Variants in TNFRSF11A observed in about 807,000 individuals in gnomAD.
The protein encoded by TNFRSF11A is TNF receptor superfamily member 11a, also known as tumor necrosis factor receptor superfamily member 11A.
A neutral mutation model predicts 55.7 loss-of-function variants in TNFRSF11A; 32 were observed. The ratio of observed to expected loss-of-function variants is 0.57; its 90% confidence interval spans 0.43 to 0.77. The LOEUF (loss-of-function observed/expected upper bound fraction) is 0.77, where lower values mean the gene tolerates loss of function less well. Among genes scored for constraint, TNFRSF11A ranks in the 30% least tolerant of loss-of-function variants. The probability of loss-of-function intolerance (pLI) is 0.00; values close to 1 mark genes in which losing one functional copy is unlikely to be tolerated. For missense variants in TNFRSF11A, 753 were observed against 809.8 expected, an observed-to-expected ratio of 0.93 and a Z score of 0.85; for synonymous variants, 311 against 331.0, an observed-to-expected ratio of 0.94 and a Z score of 0.65.
At position 62,354,449 on chromosome 18, in the gene TNFRSF11A, C is replaced by T; in HGVS notation, c.342C>T (p.Cys114=). 6.2e-7 allele frequency: 1 copy of T among 1,600,308 alleles called. No homozygotes were observed. Among genetic ancestry groups the T allele is most frequent in the Admixed American group, 1.7e-5 (1 of 59,914 alleles). Residue 114 remains cysteine, a synonymous_variant, in exon 4 of 10, where the codon TGC becomes TGT. Transcript: ENST00000586569. Reference sequence around the variant, plus strand: ...GCACGACCCCCCGGCGCTGCGCGTGCACGGCTGGGTACCACTGGAGCCAGG... The same window carrying T: ...GCACGACCCCCCGGCGCTGCGCGTGTACGGCTGGGTACCACTGGAGCCAGG... ...GNSTTPRRCA[C]TAGYHWSQDC...
At chr18:62,372,436 G>A (rs1910616208) in intron 9 of TNFRSF11A, among the ~76,000 whole-genome samples, 1 of 150,988 alleles carries the variant, frequency 6.6e-6, no homozygotes, top group African/African-American at 2.4e-5. Context: ...GAAGCCACTC[G>A]TTAGTCTATC....
chr18:62,361,594 G>A (rs2145330921), intron 6 of TNFRSF11A, 86 bp from the exon 7 acceptor site: 2 of 1,316,904 alleles, frequency 1.5e-6, no homozygotes, highest in Non-Finnish European at 2.2e-6. Flanking sequence ...TTTTGATTCT[G>A]AGGTTTGATT....
chr18:62,358,957 C>A (rs1029622740), intron 5 of TNFRSF11A, among the ~76,000 whole-genome samples: 2 of 152,282 alleles, frequency 1.3e-5, no homozygotes, highest in South Asian at 4.1e-4. Flanking sequence ...AATGAAGAAT[C>A]TCATATATAT....
chr18:62,337,511 G>A (rs1281385413), intron 1 of TNFRSF11A, among the ~76,000 whole-genome samples: 1 of 152,142 alleles, frequency 6.6e-6, no homozygotes, highest in East Asian at 1.9e-4. Context: ...TAGTCACACG[G>A]GCTATCTTGC....
intron 9 of TNFRSF11A, among the ~76,000 whole-genome samples, chr18:62,371,275 T>A (rs1910532934): frequency 6.6e-6 from 1 of 152,174 alleles, no homozygotes; most frequent in Non-Finnish European, 1.5e-5. Context: ...AGACCGGTTT[T>A]TCAGTGGGTG....
chr18:62,340,750 A>G (rs2046299783), intron 1 of TNFRSF11A, among the ~76,000 whole-genome samples: 1 of 152,216 alleles, frequency 6.6e-6, no homozygotes, highest in Admixed American at 6.5e-5. Context: ...GACTTAGGCC[A>G]TGTACCTGAC....
intron 9 of TNFRSF11A, among the ~76,000 whole-genome samples, chr18:62,374,646 T>G (rs1236524341): frequency 6.6e-6 from 1 of 152,230 alleles, no homozygotes; most frequent in East Asian, 1.9e-4. Context: ...TGCATTGTCT[T>G]GCTTAAAAAT....
chr18:62,330,370 G>T (rs2046133916), intron 1 of TNFRSF11A, among the ~76,000 whole-genome samples: 1 of 152,228 alleles, frequency 6.6e-6, no homozygotes, highest in South Asian at 2.1e-4. Context: ...CAGCTCTTAG[G>T]CTGGGGGTTC....
At chr18:62,363,715 T>C (rs1166055103) in intron 7 of TNFRSF11A, among the ~76,000 whole-genome samples, 3 of 152,208 alleles carry the variant, frequency 2.0e-5, no homozygotes, top group Admixed American at 1.3e-4. Flanking sequence ...AATGCCTTTA[T>C]TTAGTGCAGC....
At chr18:62,343,719 CAA>C (rs2046345299) in intron 1 of TNFRSF11A, among the ~76,000 whole-genome samples, 1 of 152,244 alleles carries the variant, frequency 6.6e-6, no homozygotes, top group African/African-American at 2.4e-5. Flanking sequence ...GTAGAAGACA[CAA>C]AAAGACACAA....
In TNFRSF11A at chr18:62,369,416, G is replaced by A; in HGVS notation, c.1499G>A (p.Arg500Lys). 6.2e-7 allele frequency: 1 copy of A among 1,611,576 alleles called. No individual in the cohort carries two copies. Among genetic ancestry groups the A allele is most frequent in the Non-Finnish European group, 8.5e-7 (1 of 1,180,026 alleles). Residue 500 changes from arginine to lysine, a missense_variant, in exon 9 of 10, where the codon AGG becomes AAG. Arg to Lys is a conservative substitution (Grantham distance 26). This residue lies in a region of TNFRSF11A where 567 missense variants were observed against 596.7 expected (regional missense o/e 0.95). Coordinates refer to ENST00000586569, the MANE Select transcript of TNFRSF11A (RefSeq NM_003839.4). ...CAGCCCGAGGATGGGGCTGATGGGA[G>A]GCTCCCAAGCTCAGCGAGGGCAGGT... is the stretch of plus-strand genomic sequence containing the variant. ...RDQPEDGADG[R>K]LPSSARAGAG...
At chr18:62,366,845 C>CA in intron 8 of TNFRSF11A, 85 bp downstream of exon 8, 1 of 1,320,232 alleles carries the variant, frequency 7.6e-7, no homozygotes, top group Non-Finnish European at 1.1e-6. Flanking sequence ...ATTGAGCACC[C>CA]CCCCCCACCC....
chr18:62,356,776 C>G (rs1055982228), intron 4 of TNFRSF11A, among the ~76,000 whole-genome samples: 4 of 152,094 alleles, frequency 2.6e-5, no homozygotes, highest in African/African-American at 9.7e-5. Context: ...AGCATAGCAG[C>G]AAACTATGGG....
intron 7 of TNFRSF11A, among the ~76,000 whole-genome samples, chr18:62,365,993 T>A (rs953576329): frequency 6.6e-5 from 10 of 152,104 alleles, no homozygotes; most frequent in Non-Finnish European, 1.3e-4. Flanking sequence ...AATTTTTGTA[T>A]TTTTAGTAGA....
At position 62,368,999 on chromosome 18, in the gene TNFRSF11A, T is replaced by G. The variant is rs541976552; in HGVS notation, c.1082T>G (p.Leu361Arg). ...CCCTCCCAGCCCACAGACCAGTTAC[T>G]GTTCCTCACTGAGCCTGGAAGCAAA... ...DRPSQPTDQL[L>R]FLTEPGSKST... The change falls in exon 9 of 10, where the codon CTG becomes CGG. Residue 361 changes from leucine (L) to arginine (R), a missense_variant. Leu to Arg is a moderately radical substitution (Grantham distance 102). This residue lies in a region of TNFRSF11A where 567 missense variants were observed against 596.7 expected (regional missense o/e 0.95). Coordinates refer to ENST00000586569, the MANE Select transcript of TNFRSF11A (RefSeq NM_003839.4). 6 of 1,614,248 alleles carry G rather than the reference T, an allele frequency of 3.7e-6. No individual in the cohort carries two copies. In the African/African-American group the frequency reaches 8.0e-5, roughly 22 times the overall value.
chr18:62,340,919 C>A (rs548840132), intron 1 of TNFRSF11A, among the ~76,000 whole-genome samples: 1 of 152,238 alleles, frequency 6.6e-6, no homozygotes, highest in South Asian at 2.1e-4. Context: ...TTATAACACA[C>A]CATCTTGGTA....
chr18:62,358,087 G>A (rs1909399149), intron 4 of TNFRSF11A, 161 bp from the exon 5 acceptor site: 6 of 668,130 alleles, frequency 9.0e-6, no homozygotes, highest in Non-Finnish European at 1.6e-5. Flanking sequence ...GGGAGCTGAA[G>A]AAGTTAGACA....
At chr18:62,353,554 C>T (rs1222002815) in intron 3 of TNFRSF11A, among the ~76,000 whole-genome samples, 4 of 152,204 alleles carry the variant, frequency 2.6e-5, no homozygotes, top group African/African-American at 9.6e-5. Context: ...GGTTCTGTCC[C>T]TGAAGGACTG....
chr18:62,342,590 A>G (rs2046330254), intron 1 of TNFRSF11A, among the ~76,000 whole-genome samples: 1 of 152,078 alleles, frequency 6.6e-6, no homozygotes, highest in South Asian at 2.1e-4. Flanking sequence ...TCACATTCAC[A>G]GGCACAGGAC....
Sources: allele counts gnomAD v4.1 joint callset (sites outside exome capture counted in the v4.1 genomes callset), GRCh38; gene constraint gnomAD v4.1.1; regional missense constraint gnomAD v4.1.1; transcripts MANE v1.5; gene names NCBI Gene and HGNC (gene_info 2026-07-23, HGNC 2026-07-21).